The following ESR1 variants were observed in gnomAD, a reference collection of about 807,000 sequenced individuals.
ESR1 encodes estrogen receptor.
ESR1 carries 12 observed loss-of-function variants against 52.7 expected under a neutral mutation model. The observed-to-expected ratio is 0.23, with a 90% CI of 0.15 to 0.37. The LOEUF is 0.37. ESR1 is among the 10% of genes least tolerant of loss of function. The probability of loss-of-function intolerance (pLI) is 1.00; values close to 1 mark genes in which losing one functional copy is unlikely to be tolerated. For missense variants in ESR1, 584 were observed against 779.7 expected, an observed-to-expected ratio of 0.75 and a Z score of 2.99; for synonymous variants, 305 against 316.8, an observed-to-expected ratio of 0.96 and a Z score of 0.39.
At chr6:151,889,926 G>A (rs1233260598) in intron 3 of ESR1, among the ~76,000 whole-genome samples, 1 of 151,822 alleles carries the variant, frequency 6.6e-6, no homozygotes, top group Non-Finnish European at 1.5e-5. Context: ...TTCTGAGTAT[G>A]TTGTTTTATT....
In ESR1 at chr6:152,099,517, T is replaced by A. The variant is rs2050886603; in HGVS notation, c.*551T>A. Reference sequence around the variant, plus strand: ...ACACCTTAAAGCTTTTATATGACTGTAGCAGAGTATCTGGTGATTGTCAAT... The same window carrying A: ...ACACCTTAAAGCTTTTATATGACTGAAGCAGAGTATCTGGTGATTGTCAAT... On this transcript the variant is annotated 3_prime_UTR_variant, in exon 8 of 8. Coordinates refer to ENST00000206249, the MANE Select transcript of ESR1 (RefSeq NM_000125.4). The A allele has an allele frequency of 4.0e-6, 1 of 250,700 alleles. No individual in the cohort carries two copies. Among genetic ancestry groups the A allele is most frequent in the Non-Finnish European group, 7.9e-6 (1 of 127,246 alleles). 15.5% of individuals were successfully genotyped at this position (250,700 alleles called of 1,614,324 possible).
chr6:151,763,326 G>A (rs188598675), intron 2 of ESR1, among the ~76,000 whole-genome samples: 17 of 151,668 alleles, frequency 1.1e-4, no homozygotes, highest in Admixed American at 5.2e-4. Flanking sequence ...TTATTTCTAC[G>A]CATCCTCTCC....
chr6:152,029,518 A>G (rs543562490), intron 5 of ESR1, among the ~76,000 whole-genome samples: 187 of 152,366 alleles, frequency 1.2e-3, no homozygotes, highest in African/African-American at 4.2e-3. Context: ...AGCTGATTCA[A>G]TCAACTGGAA....
At chr6:151,717,053 C>G (rs1186904553) in intron 2 of ESR1, among the ~76,000 whole-genome samples, 3 of 152,158 alleles carry the variant, frequency 2.0e-5, no homozygotes, top group African/African-American at 7.2e-5. Context: ...AGTATCTGGG[C>G]AGGAGTGCAC....
chr6:151,882,873 C>G (rs2128339388), intron 3 of ESR1, among the ~76,000 whole-genome samples: 1 of 152,030 alleles, frequency 6.6e-6, no homozygotes, highest in East Asian at 1.9e-4. Flanking sequence ...TAATAAAAGT[C>G]TCCCCACTGT....
intron 3 of ESR1, among the ~76,000 whole-genome samples, chr6:151,938,391 G>A (rs551799491): frequency 6.6e-6 from 1 of 152,280 alleles, no homozygotes; most frequent in Non-Finnish European, 1.5e-5. Context: ...AAAAACAGAT[G>A]ATTAAACAAA....
intron 6 of ESR1, among the ~76,000 whole-genome samples, chr6:152,070,003 GGA>G (rs1373024443): frequency 7.3e-6 from 1 of 137,474 alleles, no homozygotes; most frequent in Non-Finnish European, 1.5e-5. Context: ...GGAGTCAGAA[GGA>G]CACAAGGGAA....
At chr6:151,990,036 T>C (rs2040863442) in intron 4 of ESR1, among the ~76,000 whole-genome samples, 1 of 152,120 alleles carries the variant, frequency 6.6e-6, no homozygotes, top group Admixed American at 6.5e-5. Flanking sequence ...TCATGAGTCC[T>C]CAGTAGAGTG....
chr6:152,116,049 T>C (rs2051206841), intron 6 of ESR1, among the ~76,000 whole-genome samples: 1 of 152,202 alleles, frequency 6.6e-6, no homozygotes, highest in Non-Finnish European at 1.5e-5. Context: ...GTCCCGTAAT[T>C]TGGAAACCAC....
intron 6 of ESR1, chr6:152,121,605 A>AG (rs1334933845): frequency 6.6e-6 from 1 of 152,502 alleles, no homozygotes; most frequent in Non-Finnish European, 1.5e-5. Flanking sequence ...AAAAATGATC[A>AG]TTTAGGTTGC....
At chr6:151,799,988 C>T (rs1189671312), upstream of ESR1, among the ~76,000 whole-genome samples, 3 of 152,138 alleles carry the variant, frequency 2.0e-5, no homozygotes, top group Non-Finnish European at 4.4e-5. Context: ...AGTTCTTTGG[C>T]TCTTGAGTTA....
intron 6 of ESR1, among the ~76,000 whole-genome samples, chr6:152,114,517 C>T (rs2051183606): frequency 6.6e-6 from 1 of 152,172 alleles, no homozygotes; most frequent in Non-Finnish European, 1.5e-5. Context: ...AGAGCAAAGT[C>T]ATCCATTAGA....
In ESR1 at chr6:151,946,148, CTTATA is replaced by C. The variant is rs547759598; in HGVS notation, c.1096+1646_1096+1650del. 6.6e-4 allele frequency among the ~76,000 whole-genome samples: 101 copies of C among 152,128 alleles called. 1 individual carries two copies. Among genetic ancestry groups the C allele is most frequent in the Admixed American group, 2.9e-3 (45 of 15,262 alleles). ...TCTTTATATTTGTTATTGCCTTGTT[CTTATA>C]TTATAGGGAAAGAGAAACAAACAAA... is the stretch of plus-strand genomic sequence containing the variant. On this transcript the variant is annotated intron_variant, in intron 4 of 7. Coordinates refer to ENST00000206249, the MANE Select transcript of ESR1 (RefSeq NM_000125.4).
rs529567121 is a variant in ESR1 at position 152,092,756 on chromosome 6, A to G, written c.1370-1629A>G. 4.6e-5 allele frequency among the ~76,000 whole-genome samples: 7 copies of G among 152,304 alleles called. No homozygotes were observed. The South Asian group carries it at 1.0e-3, about 23-fold the overall frequency. On this transcript the variant is annotated intron_variant, in intron 6 of 7. Transcript: ENST00000206249. ...TAGAAAATGCATCCTTGTAGTCCCAAAAAAGCCTGTTCCATCCTGCCCATC... is the reference window on the plus strand; with the variant it reads ...TAGAAAATGCATCCTTGTAGTCCCAGAAAAGCCTGTTCCATCCTGCCCATC...
Position 151,944,430 on chromosome 6 carries a change from G to A in ESR1, c.1018G>A (p.Ala340Thr), listed in dbSNP as rs760887067. 6 of 1,614,212 alleles carry A rather than the reference G, an allele frequency of 3.7e-6. No homozygotes were observed. The Admixed American group carries it at 5.0e-5, about 13-fold the overall frequency. The change falls in exon 4 of 8, where the codon GCT (alanine) becomes ACT (threonine). Residue 340 changes from alanine to threonine, a missense_variant. Ala to Thr is a moderately conservative substitution (Grantham distance 58, BLOSUM62 0). This residue lies in a region of ESR1 where 141 missense variants were observed against 289.3 expected (regional missense o/e 0.49). Coordinates refer to ENST00000206249, the MANE Select transcript of ESR1 (RefSeq NM_000125.4). The part of the protein sequence containing the change: ...EYDPTRPFSE[A>T]SMMGLLTNLA... ...TGATCCTACCAGACCCTTCAGTGAA[G>A]CTTCGATGATGGGCTTACTGACCAA...
intron 2 of ESR1, among the ~76,000 whole-genome samples, chr6:151,852,923 C>T (rs558852629): frequency 6.6e-6 from 1 of 151,318 alleles, no homozygotes; most frequent in East Asian, 1.9e-4. Flanking sequence ...GCCTATAATC[C>T]AGCACTTTGG....
At chr6:151,979,670 A>G (rs1401606115) in intron 4 of ESR1, among the ~76,000 whole-genome samples, 3 of 152,224 alleles carry the variant, frequency 2.0e-5, no homozygotes, top group African/African-American at 4.8e-5. Flanking sequence ...TTAATTATCT[A>G]TAATTCTTCT....
intron 1 of ESR1, among the ~76,000 whole-genome samples, chr6:151,694,820 T>C (rs546161686): frequency 6.6e-6 from 1 of 151,962 alleles, no homozygotes; most frequent in African/African-American, 2.4e-5. Flanking sequence ...TAAGTTGTTA[T>C]ATGCAATGCA....
chr6:151,950,449 T>C (rs114587484), intron 4 of ESR1, among the ~76,000 whole-genome samples: 3,203 of 152,268 alleles, frequency 0.021, 100 homozygotes, highest in African/African-American at 0.072. Flanking sequence ...CAAAAAGACA[T>C]GTTAAAGTCC....
Sources: allele counts gnomAD v4.1 joint callset (sites outside exome capture counted in the v4.1 genomes callset), GRCh38; gene constraint gnomAD v4.1.1; regional missense constraint gnomAD v4.1.1; transcripts MANE v1.5; gene names NCBI Gene and HGNC (gene_info 2026-07-23, HGNC 2026-07-21).